Variants in RCL1 observed in about 807,000 individuals in gnomAD.
RCL1 encodes RNA 3'-terminal phosphate cyclase-like protein.
In RCL1, 24 loss-of-function variants were observed where a neutral mutation model predicts 42.4. The observed-to-expected ratio is 0.57, with a 90% CI of 0.41 to 0.80. The LOEUF is 0.80. Among genes scored for constraint, RCL1 ranks in the 30% least tolerant of loss-of-function variants. The probability of loss-of-function intolerance (pLI) is 0.00; values close to 1 mark genes in which losing one functional copy is unlikely to be tolerated. For synonymous variants in RCL1, 228 were observed against 177.3 expected, an observed-to-expected ratio of 1.29 and a Z score of -2.27; for missense variants, 578 against 467.9, an observed-to-expected ratio of 1.24 and a Z score of -2.17.
At chr9:4,852,730 C>A (rs545760425) in intron 8 of RCL1, among the ~76,000 whole-genome samples, 18 of 151,488 alleles carry the variant, frequency 1.2e-4, no homozygotes, top group African/African-American at 4.1e-4. Context: ...GCCTGGACAC[C>A]CCTTCACCCT....
chr9:4,850,283 A>G (rs1390537502), intron 8 of RCL1: 1 of 532,676 alleles, frequency 1.9e-6, no homozygotes, highest in Non-Finnish European at 3.9e-6. Context: ...ATATTCAGGT[A>G]GATATGAGAC....
At chr9:4,828,937 C>G (rs1361608563) in intron 3 of RCL1, among the ~76,000 whole-genome samples, 1 of 152,152 alleles carries the variant, frequency 6.6e-6, no homozygotes, top group Admixed American at 6.5e-5. Flanking sequence ...TATACTTAAT[C>G]CTGAATAAAG....
At chr9:4,855,793 C>T (rs934721385) in intron 8 of RCL1, among the ~76,000 whole-genome samples, 2 of 152,132 alleles carry the variant, frequency 1.3e-5, no homozygotes, top group African/African-American at 4.8e-5. Context: ...GTTGGCAGAA[C>T]ATTATGTAAA....
At chr9:4,859,923 C>T (rs768211914) in intron 8 of RCL1, among the ~76,000 whole-genome samples, 7 of 152,036 alleles carry the variant, frequency 4.6e-5, no homozygotes, top group African/African-American at 7.2e-5. Context: ...TGCTGTATTG[C>T]GTGTATCTCT....
chr9:4,858,629 C>T (rs910137899), intron 8 of RCL1, among the ~76,000 whole-genome samples: 11 of 152,196 alleles, frequency 7.2e-5, no homozygotes, highest in African/African-American at 2.4e-4. Context: ...ATGCTTTCCT[C>T]ATTGAGGAAA....
intron 3 of RCL1, among the ~76,000 whole-genome samples, chr9:4,831,568 C>G (rs1226841270): frequency 3.9e-5 from 6 of 152,182 alleles, no homozygotes; most frequent in Non-Finnish European, 2.9e-5. Flanking sequence ...CCTTGAAGTC[C>G]TGGGCTCAAG....
intron 1 of RCL1, among the ~76,000 whole-genome samples, chr9:4,794,572 C>G (rs1037607523): frequency 1.9e-4 from 29 of 152,024 alleles, no homozygotes; most frequent in Non-Finnish European, 1.5e-5. Flanking sequence ...CAGGTTAGCT[C>G]AGAGAACTTG....
intron 5 of RCL1, among the ~76,000 whole-genome samples, chr9:4,837,722 C>A (rs1817186512): frequency 6.6e-6 from 1 of 152,134 alleles, no homozygotes; most frequent in African/African-American, 2.4e-5. Flanking sequence ...AGCTGTAGTG[C>A]CGGGCACCTT....
At chr9:4,826,205 C>T (rs573781701) in intron 2 of RCL1, among the ~76,000 whole-genome samples, 160 of 152,152 alleles carry the variant, frequency 1.1e-3, no homozygotes, top group African/African-American at 3.6e-3. Flanking sequence ...GTGATCATGC[C>T]GCTGTACTCC....
At chr9:4,849,920 A>T (rs1301337268) in intron 8 of RCL1, among the ~76,000 whole-genome samples, 1 of 152,152 alleles carries the variant, frequency 6.6e-6, no homozygotes, top group Non-Finnish European at 1.5e-5. Flanking sequence ...GTGGGAAAAC[A>T]GGCTTTTTGT....
At chr9:4,833,285 C>A in intron 4 of RCL1, 57 bp downstream of exon 4, 2 of 1,306,052 alleles carry the variant, frequency 1.5e-6, no homozygotes, top group South Asian at 2.4e-5. Flanking sequence ...TTCCCACTGA[C>A]TCATTGGAAG....
intron 8 of RCL1, among the ~76,000 whole-genome samples, chr9:4,859,258 A>C (rs1818076244): frequency 6.6e-6 from 1 of 152,142 alleles, no homozygotes. Flanking sequence ...TACTGTGCAC[A>C]CTTCCCCGGC....
chr9:4,833,694 C>T (rs1431747946), intron 4 of RCL1, among the ~76,000 whole-genome samples: 3 of 152,158 alleles, frequency 2.0e-5, no homozygotes, highest in African/African-American at 7.2e-5. Flanking sequence ...TTATATCAAT[C>T]CAATGTGGTA....
chr9:4,840,894 G>C (rs1314609256), intron 5 of RCL1, among the ~76,000 whole-genome samples: 1 of 151,972 alleles, frequency 6.6e-6, no homozygotes, highest in African/African-American at 2.4e-5. Context: ...AGGGAGCCTG[G>C]ATCATGACCC....
At chr9:4,821,154 T>C (rs1816584926) in intron 1 of RCL1, among the ~76,000 whole-genome samples, 1 of 152,146 alleles carries the variant, frequency 6.6e-6, no homozygotes, top group African/African-American at 2.4e-5. Context: ...TTGTGTGTAG[T>C]AGCTTATGCC....
At chr9:4,797,022 G>C (rs1243444248) in intron 1 of RCL1, among the ~76,000 whole-genome samples, 4 of 152,088 alleles carry the variant, frequency 2.6e-5, no homozygotes, top group African/African-American at 9.7e-5. Flanking sequence ...TCCTTAATTT[G>C]TCATGGTCAT....
At chr9:4,825,846 G>A (rs952379917) in intron 2 of RCL1, among the ~76,000 whole-genome samples, 5 of 151,926 alleles carry the variant, frequency 3.3e-5, no homozygotes, top group Admixed American at 2.0e-4. Context: ...GGCACAAGGT[G>A]GTTCATGTCT....
At chr9:4,798,031 T>G (rs551328960) in intron 1 of RCL1, among the ~76,000 whole-genome samples, 8 of 152,360 alleles carry the variant, frequency 5.3e-5, no homozygotes, top group Admixed American at 5.2e-4. Context: ...TGCTGCTGTT[T>G]TACTCAAGGT....
intron 1 of RCL1, among the ~76,000 whole-genome samples, chr9:4,813,885 G>T (rs1816272207): frequency 6.6e-6 from 1 of 152,220 alleles, no homozygotes; most frequent in African/African-American, 2.4e-5. Context: ...CAGGTCCTTT[G>T]TAGGGACATG....
Sources: allele counts gnomAD v4.1 joint callset (sites outside exome capture counted in the v4.1 genomes callset), GRCh38; gene constraint gnomAD v4.1.1; transcripts MANE v1.5; gene names NCBI Gene and HGNC (gene_info 2026-07-23, HGNC 2026-07-21).